BTRC: variants seen among roughly 807,000 people sequenced by gnomAD.
BTRC encodes the protein beta-transducin repeat containing E3 ubiquitin protein ligase, also known as F-box/WD repeat-containing protein 1A.
Under a neutral mutation model 85.5 loss-of-function variants are expected in BTRC, and 42 were observed. The observed-to-expected ratio is 0.49, with a 90% CI of 0.38 to 0.64. The LOEUF (loss-of-function observed/expected upper bound fraction) is 0.64, where lower values mean the gene tolerates loss of function less well. Ranked by LOEUF, BTRC falls within the 30% of genes least tolerant of loss-of-function variation. The pLI, the probability that BTRC is intolerant of heterozygous loss-of-function variation, is 0.00. For missense variants in BTRC, 594 were observed against 743.5 expected, an observed-to-expected ratio of 0.80 and a Z score of 2.34; for synonymous variants, 255 against 263.3, an observed-to-expected ratio of 0.97 and a Z score of 0.30.
intron 2 of BTRC, among the ~76,000 whole-genome samples, chr10:101,456,783 T>G (rs1271845488): frequency 6.6e-6 from 1 of 152,206 alleles, no homozygotes; most frequent in Non-Finnish European, 1.5e-5. Context: ...ACTTTCATTC[T>G]GCCCTTTCAA....
intron 13 of BTRC, among the ~76,000 whole-genome samples, chr10:101,538,762 T>C (rs1368474839): frequency 6.6e-6 from 1 of 152,072 alleles, no homozygotes; most frequent in Non-Finnish European, 1.5e-5. Flanking sequence ...AAAAGTGCCC[T>C]GGGGGCCGGG....
chr10:101,532,006 G>A (rs2062290318), intron 7 of BTRC, among the ~76,000 whole-genome samples: 1 of 152,192 alleles, frequency 6.6e-6, no homozygotes, highest in Non-Finnish European at 1.5e-5. Context: ...ACCTCACGTA[G>A]TTCGTAGCTT....
chr10:101,481,797 C>T (rs1945840992), intron 4 of BTRC, among the ~76,000 whole-genome samples: 1 of 152,106 alleles, frequency 6.6e-6, no homozygotes, highest in South Asian at 2.1e-4. Flanking sequence ...TTTCGTCATC[C>T]TCTTAAATAA....
At chr10:101,500,485 T>C (rs1233959425) in intron 4 of BTRC, among the ~76,000 whole-genome samples, 1 of 152,204 alleles carries the variant, frequency 6.6e-6, no homozygotes, top group Non-Finnish European at 1.5e-5. Flanking sequence ...TGCCTTCTTA[T>C]GAAGCAAAGG....
intron 13 of BTRC, among the ~76,000 whole-genome samples, chr10:101,548,477 C>T (rs935033298): frequency 5.3e-5 from 8 of 152,200 alleles, no homozygotes; most frequent in African/African-American, 1.9e-4. Flanking sequence ...ATGAGCTGGG[C>T]TCAGTGGCTC....
intron 6 of BTRC, among the ~76,000 whole-genome samples, chr10:101,528,727 T>A (rs900968445): frequency 4.6e-5 from 7 of 152,218 alleles, no homozygotes; most frequent in African/African-American, 1.7e-4. Flanking sequence ...TCCATCAGTT[T>A]CTCATTTTCT....
intron 1 of BTRC, among the ~76,000 whole-genome samples, chr10:101,373,351 A>C (rs543644787): frequency 6.6e-6 from 1 of 152,304 alleles, no homozygotes; most frequent in African/African-American, 2.4e-5. Flanking sequence ...TCTACGCAAG[A>C]GACTGGGCTT....
At chr10:101,415,133 C>T (rs991963028) in intron 1 of BTRC, among the ~76,000 whole-genome samples, 10 of 152,112 alleles carry the variant, frequency 6.6e-5, no homozygotes, top group African/African-American at 1.9e-4. Context: ...AATCCTGCAA[C>T]CTCCATTCAT....
intron 11 of BTRC, among the ~76,000 whole-genome samples, chr10:101,535,685 G>A (rs759722138): frequency 2.0e-5 from 3 of 152,156 alleles, no homozygotes; most frequent in African/African-American, 4.8e-5. Context: ...CCTGTCTACC[G>A]TTGAAAAGTG....
intron 1 of BTRC, among the ~76,000 whole-genome samples, chr10:101,398,851 A>T (rs932584100): frequency 6.6e-6 from 1 of 152,224 alleles, no homozygotes; most frequent in Non-Finnish European, 1.5e-5. Context: ...TTGCCTGAGC[A>T]TAAGTTGGTC....
At chr10:101,366,786 A>ATT (rs1176699599) in intron 1 of BTRC, among the ~76,000 whole-genome samples, 5 of 74,366 alleles carry the variant, frequency 6.7e-5, no homozygotes, top group African/African-American at 1.7e-4. Context: ...ATATATATAT[A>ATT]TATTTTTACA....
intron 1 of BTRC, among the ~76,000 whole-genome samples, chr10:101,419,570 A>T (rs982789149): frequency 1.3e-5 from 2 of 152,138 alleles, no homozygotes; most frequent in African/African-American, 4.8e-5. Flanking sequence ...TGCCATGGGG[A>T]CATCTACAGT....
At chr10:101,507,542 C>A (rs979725413) in intron 4 of BTRC, among the ~76,000 whole-genome samples, 1 of 152,176 alleles carries the variant, frequency 6.6e-6, no homozygotes, top group African/African-American at 2.4e-5. Context: ...TGTTTGTCAG[C>A]TTCTCAGTGG....
At chr10:101,405,095 T>C (rs1943588229) in intron 1 of BTRC, among the ~76,000 whole-genome samples, 1 of 152,112 alleles carries the variant, frequency 6.6e-6, no homozygotes, top group Non-Finnish European at 1.5e-5. Flanking sequence ...TTAACCACTT[T>C]ATGGGGCCAT....
intron 4 of BTRC, among the ~76,000 whole-genome samples, chr10:101,513,976 G>T (rs2061990375): frequency 1.3e-5 from 2 of 152,192 alleles, no homozygotes; most frequent in Non-Finnish European, 2.9e-5. Context: ...ATTCTAATAA[G>T]TGTGTCATAA....
intron 1 of BTRC, among the ~76,000 whole-genome samples, chr10:101,420,132 C>T (rs1589445045): frequency 6.6e-6 from 1 of 151,936 alleles, no homozygotes; most frequent in Middle Eastern, 3.4e-3. Context: ...AAGATTTCAG[C>T]TTACAACAAC....
At chr10:101,464,543 C>G (rs1171463922) in intron 3 of BTRC, among the ~76,000 whole-genome samples, 1 of 134,220 alleles carries the variant, frequency 7.5e-6, no homozygotes, top group Non-Finnish European at 1.6e-5. Context: ...TCCCCCCCAC[C>G]CCCCCCATGG....
At chr10:101,466,281 AC>A (rs1564789693) in intron 3 of BTRC, among the ~76,000 whole-genome samples, 1 of 151,560 alleles carries the variant, frequency 6.6e-6, no homozygotes, top group Admixed American at 6.6e-5. Context: ...AGCTCTCTCA[AC>A]TCTCTGAAAG....
chr10:101,366,527 A>C (rs537753691), intron 1 of BTRC, among the ~76,000 whole-genome samples: 1 of 151,590 alleles, frequency 6.6e-6, no homozygotes, highest in Non-Finnish European at 1.5e-5. Context: ...TTTTAATGAG[A>C]GATTTTTTAG....
Sources: allele counts gnomAD v4.1 joint callset (sites outside exome capture counted in the v4.1 genomes callset), GRCh38; gene constraint gnomAD v4.1.1; transcripts MANE v1.5; gene names NCBI Gene and HGNC (gene_info 2026-07-23, HGNC 2026-07-21).